KLHL7: variants seen among roughly 807,000 people sequenced by gnomAD.
KLHL7 encodes kelch like family member 7.
In KLHL7, 44 loss-of-function variants were observed where a neutral mutation model predicts 67.4. That is an observed-to-expected ratio of 0.65 (90% CI 0.51 to 0.84). KLHL7 has a LOEUF of 0.84. Ranked by LOEUF, KLHL7 falls within the 40% of genes least tolerant of loss-of-function variation. KLHL7 has a pLI of 0.00. For synonymous variants in KLHL7, 252 were observed against 243.3 expected, an observed-to-expected ratio of 1.04 and a Z score of -0.33; for missense variants, 362 against 718.1, an observed-to-expected ratio of 0.50 and a Z score of 5.67.
At chr7:23,123,703 G>A in intron 1 of KLHL7, 74 bp from the exon 2 acceptor site, 1 of 920,920 alleles carries the variant, frequency 1.1e-6, no homozygotes. Context: ...CATTTGGCAA[G>A]CACCTTTTTA....
At chr7:23,124,190 CAAAAAAAAAA>C (rs149801497) in intron 2 of KLHL7, among the ~76,000 whole-genome samples, 10 of 25,868 alleles carry the variant, frequency 3.9e-4, no homozygotes, top group East Asian at 4.6e-3. Flanking sequence ...GACTCTGTCT[CAAAAAAAAAA>C]AAAAAAAAAA....
At position 23,125,888 on chromosome 7, in the gene KLHL7, C is replaced by T. The variant is rs747202208; in HGVS notation, c.442+716C>T. ...GTAGCCCACCCTTATCTGCAGGATA[C>T]GTTCCAAGACCCCCAGTGAATGCCT... On this transcript the variant is annotated intron_variant, in intron 4 of 10. Coordinates refer to ENST00000339077, the MANE Select transcript of KLHL7 (RefSeq NM_001031710.3). 3.3e-5 allele frequency: 51 copies of T among 1,538,316 alleles called. 1 individual carries two copies. The highest frequency in any genetic ancestry group is 1.6e-4 in the Admixed American group (8 of 50,968).
intron 1 of KLHL7, among the ~76,000 whole-genome samples, chr7:23,116,510 A>G (rs1464097718): frequency 6.6e-6 from 1 of 152,230 alleles, no homozygotes; most frequent in African/African-American, 2.4e-5. Flanking sequence ...TAACCTGCTT[A>G]AGTTGGATCT....
chr7:23,174,699 A>G lies in KLHL7; in HGVS notation c.*401A>G, dbSNP rs549095444. The G allele has an allele frequency of 2.2e-6, 1 of 456,656 alleles. No individual in the cohort carries two copies. The allele number at this position is 456,656 out of a possible 1,614,324, so 28.3% of individuals were successfully genotyped here. On this transcript the variant is annotated 3_prime_UTR_variant, in exon 11 of 11. Coordinates refer to ENST00000339077, the MANE Select transcript of KLHL7 (RefSeq NM_001031710.3). ...GGTTAGGTCTGTTTGTGCTCAGTCA[A>G]GAACTAAGAAATAGTATGAATTGTA...
Position 23,174,643 on chromosome 7 carries a change from T to G in KLHL7, c.*345T>G, listed in dbSNP as rs1198892605. 2.1e-6 allele frequency: 1 copy of G among 469,242 alleles called. No homozygotes were observed. The highest frequency in any genetic ancestry group is 2.0e-5 in the African/African-American group (1 of 50,836). The allele number at this position is 469,242 out of a possible 1,614,324, so 29.1% of individuals were successfully genotyped here. ...GAAGCGCAGTATCTTAGCTCTAGAT[T>G]CTATTTTCATGCATCACAGAAGTGC... On this transcript the variant is annotated 3_prime_UTR_variant, in exon 11 of 11. Transcript: ENST00000339077.
intron 4 of KLHL7, among the ~76,000 whole-genome samples, chr7:23,136,111 GTGTCTACAACAAGTTACTTAGAAAA>G (rs1268510658): frequency 5.8e-4 from 88 of 152,314 alleles, no homozygotes; most frequent in African/African-American, 2.1e-3. Context: ...ATCCCAGCTG[GTGTCTACAACAAGTTACTTAGAAAA>G]GAAAGAGAAT....
chr7:23,114,948 A>C (rs1783025554), intron 1 of KLHL7, among the ~76,000 whole-genome samples: 1 of 152,226 alleles, frequency 6.6e-6, no homozygotes, highest in Non-Finnish European at 1.5e-5. Flanking sequence ...ATTAAATTCC[A>C]ACATCTATGC....
At chr7:23,133,116 C>A (rs1479059763) in intron 4 of KLHL7, among the ~76,000 whole-genome samples, 1 of 152,076 alleles carries the variant, frequency 6.6e-6, no homozygotes, top group African/African-American at 2.4e-5. Flanking sequence ...GTAGCTTTGG[C>A]TATTCTGGGT....
chr7:23,134,418 G>A (rs1583674015), intron 4 of KLHL7, among the ~76,000 whole-genome samples: 1 of 152,030 alleles, frequency 6.6e-6, no homozygotes, highest in East Asian at 1.9e-4. Flanking sequence ...GTTTTCTTTT[G>A]TTTAATGTGT....
chr7:23,135,121 G>A (rs182689445), intron 4 of KLHL7, among the ~76,000 whole-genome samples: 2 of 152,132 alleles, frequency 1.3e-5, no homozygotes, highest in East Asian at 3.9e-4. Context: ...TAGGTTTAGG[G>A]ATATTATCGT....
intron 7 of KLHL7, among the ~76,000 whole-genome samples, chr7:23,161,395 C>G (rs907843970): frequency 6.6e-6 from 1 of 152,206 alleles, no homozygotes; most frequent in Non-Finnish European, 1.5e-5. Context: ...TAATACCTGT[C>G]TTCATCAAAC....
intron 4 of KLHL7, among the ~76,000 whole-genome samples, chr7:23,137,520 C>T (rs1036458474): frequency 3.5e-4 from 53 of 150,744 alleles, no homozygotes; most frequent in African/African-American, 7.8e-4. Flanking sequence ...ATTCTGTCGC[C>T]CAGGGTGGAG....
chr7:23,115,074 T>C (rs1223289265), intron 1 of KLHL7, among the ~76,000 whole-genome samples: 1 of 152,218 alleles, frequency 6.6e-6, no homozygotes, highest in Non-Finnish European at 1.5e-5. Context: ...TTGGGTACAG[T>C]CAGGGTAGCT....
intron 1 of KLHL7, among the ~76,000 whole-genome samples, 158 bp from the exon 2 acceptor site, chr7:23,123,619 C>T (rs1174856435): frequency 1.3e-5 from 2 of 152,138 alleles, no homozygotes; most frequent in Non-Finnish European, 2.9e-5. Context: ...CTCTGTAAGT[C>T]CTTTCTAAAT....
At chr7:23,128,514 C>T (rs911558724) in intron 4 of KLHL7, among the ~76,000 whole-genome samples, 1 of 150,762 alleles carries the variant, frequency 6.6e-6, no homozygotes, top group Non-Finnish European at 1.5e-5. Context: ...CTAAGATATT[C>T]CTCCCTCAGA....
At chr7:23,118,599 T>C (rs562688718) in intron 1 of KLHL7, among the ~76,000 whole-genome samples, 1 of 152,326 alleles carries the variant, frequency 6.6e-6, no homozygotes, top group African/African-American at 2.4e-5. Context: ...CCACATGTGA[T>C]GGATGGAGAC....
intron 4 of KLHL7, chr7:23,129,143 A>G (rs1783697755): frequency 6.1e-6 from 1 of 165,234 alleles, no homozygotes; most frequent in African/African-American, 2.4e-5. Context: ...AAAGCCCTAC[A>G]GTTGGCACAG....
At chr7:23,134,115 G>C (rs907248425) in intron 4 of KLHL7, among the ~76,000 whole-genome samples, 9 of 152,108 alleles carry the variant, frequency 5.9e-5, no homozygotes, top group Non-Finnish European at 1.2e-4. Context: ...TTATGTTGAG[G>C]TATGTTCCTT....
intron 5 of KLHL7, among the ~76,000 whole-genome samples, chr7:23,141,778 G>A (rs771417158): frequency 2.0e-5 from 3 of 151,274 alleles, no homozygotes; most frequent in East Asian, 2.0e-4. Flanking sequence ...GCCCGCCACC[G>A]TGCCCGGCTA....
Sources: gnomAD v4.1 joint callset for allele counts (sites outside exome capture counted in the v4.1 genomes callset) on GRCh38, gnomAD v4.1.1 for gene constraint, MANE v1.5 for transcripts, NCBI Gene and HGNC (gene_info 2026-07-23, HGNC 2026-07-21) for gene names.